Variants in SMCHD1 observed in about 807,000 individuals in gnomAD.
SMCHD1 encodes the protein structural maintenance of chromosomes flexible hinge domain-containing protein 1.
SMCHD1 carries 78 observed loss-of-function variants against 254.7 expected under a neutral mutation model. The ratio of observed to expected loss-of-function variants is 0.31; its 90% CI spans 0.26 to 0.37. The LOEUF is 0.37. SMCHD1 is among the 10% of genes least tolerant of loss of function. SMCHD1 has a pLI of 1.00. For missense variants in SMCHD1, 1,840 were observed against 2,408.1 expected, an observed-to-expected ratio of 0.76 and a Z score of 4.94; for synonymous variants, 766 against 794.9, an observed-to-expected ratio of 0.96 and a Z score of 0.61.
Position 2,694,649 on chromosome 18 carries a change from A to G in SMCHD1, c.996A>G (p.Ile332Met). The change falls in exon 8 of 48, where the codon ATA becomes ATG. Residue 332 changes from isoleucine to methionine, a missense_variant. Ile to Met is a conservative substitution (Grantham distance 10). Around this residue, in one of 9 missense-constraint regions of SMCHD1, gnomAD observed 498 missense variants for 743.5 expected, o/e 0.67. Transcript: ENST00000320876. ...VVITGVQPEH[I>M]QYLKNYFHLW... Reference sequence around the variant, plus strand: ...TCACAGGGGTACAACCAGAACACATACAGTACTTGAAAAATTATTTCCACC... The same window carrying G: ...TCACAGGGGTACAACCAGAACACATGCAGTACTTGAAAAATTATTTCCACC... 4 of 1,613,006 alleles carry G rather than the reference A, an allele frequency of 2.5e-6. No individual in the cohort carries two copies. The highest frequency in any genetic ancestry group is 3.4e-6 in the Non-Finnish European group (4 of 1,179,514).
intron 17 of SMCHD1, among the ~76,000 whole-genome samples, chr18:2,712,993 CTA>C (rs1381893653): frequency 2.0e-5 from 3 of 152,198 alleles, no homozygotes; most frequent in Admixed American, 6.5e-5. Context: ...TTTCCCAACT[CTA>C]GACCAAATTT....
At chr18:2,671,986 T>A (rs1165974188) in intron 3 of SMCHD1, among the ~76,000 whole-genome samples, 2 of 152,284 alleles carry the variant, frequency 1.3e-5, no homozygotes, top group East Asian at 3.9e-4. Context: ...TTTCCCCTCT[T>A]CTTTTTCATC....
chr18:2,788,141 G>C (rs2076267899), intron 45 of SMCHD1, among the ~76,000 whole-genome samples: 1 of 151,944 alleles, frequency 6.6e-6, no homozygotes. Flanking sequence ...TTTGAGGAAG[G>C]CCATCACCAT....
chr18:2,713,967 A>C (rs56097347), intron 17 of SMCHD1, among the ~76,000 whole-genome samples: 29,341 of 152,180 alleles, frequency 0.19, 3,099 homozygotes, highest in South Asian at 0.27. Context: ...TATACTCTGC[A>C]TATTGTTGGG....
intron 17 of SMCHD1, among the ~76,000 whole-genome samples, chr18:2,709,233 T>TGTGTATAG (rs1491142388): frequency 1.8e-5 from 1 of 54,194 alleles, no homozygotes; most frequent in Admixed American, 2.4e-4. Flanking sequence ...TGTATATGTG[T>TGTGTATAG]ATATATATAT....
intron 40 of SMCHD1, 26 bp downstream of exon 40, chr18:2,771,644 G>C: frequency 7.1e-7 from 1 of 1,416,152 alleles, no homozygotes; most frequent in Non-Finnish European, 9.4e-7. Flanking sequence ...ATACGTGAAA[G>C]ATTTTTTATT....
chr18:2,656,128 A>G lies in SMCHD1; in HGVS notation c.53A>G (p.Glu18Gly), dbSNP rs754962832. 4.7e-6 allele frequency: 7 copies of G among 1,485,440 alleles called. No homozygotes were observed. In the South Asian group the frequency reaches 8.1e-5, roughly 17 times the overall value. The allele number at this position is 1,485,440 out of a possible 1,614,324, so 92.0% of individuals were successfully genotyped here. The change falls in exon 1 of 48, where the codon GAG (glutamate) becomes GGG (glycine). Residue 18 changes from glutamate (E) to glycine (G), a missense_variant. By Grantham distance (98) the Glu-to-Gly change is moderately conservative (BLOSUM62 -2). This residue lies in a region of SMCHD1 where 115 missense variants were observed against 99.1 expected (regional missense o/e 1.16). Transcript: ENST00000320876. ...GGTGGGGCCTCTGTGGGGACTGAGG[A>G]GGATGGCGGAGGCGTCGGCCACAGG... ...GPGGASVGTEEDGGGVGHRTV... is the reference protein window; with the variant it reads ...GPGGASVGTEGDGGGVGHRTV...
chr18:2,799,490 T>C (rs1323024604), intron 47 of SMCHD1, among the ~76,000 whole-genome samples: 1 of 152,236 alleles, frequency 6.6e-6, no homozygotes, highest in African/African-American at 2.4e-5. Context: ...TTAGTTACTC[T>C]ATTGTTGCCT....
intron 8 of SMCHD1, 71 bp from the exon 9 acceptor site, chr18:2,696,959 ATT>A: frequency 1.4e-6 from 1 of 710,310 alleles, no homozygotes; most frequent in Non-Finnish European, 2.3e-6. Flanking sequence ...GTGTTAAAAT[ATT>A]TTGATAGAAG....
rs2076401256 is a variant in SMCHD1, at chr18:2,803,581, A to T, written c.*1029A>T. 1 of 152,208 alleles carries T rather than the reference A, an allele frequency of 6.6e-6. No homozygotes were observed. The highest frequency in any genetic ancestry group is 2.1e-4 in the South Asian group (1 of 4,834). The allele number at this position is 152,208 out of a possible 1,614,324, so 9.4% of individuals were successfully genotyped here. ...TAAACCCTTTCTAAATATGCAGGCCATTAATAAATAAGATTGTTTCTTCCC... is the reference window on the plus strand; with the variant it reads ...TAAACCCTTTCTAAATATGCAGGCCTTTAATAAATAAGATTGTTTCTTCCC... On this transcript the variant is annotated 3_prime_UTR_variant, in exon 48 of 48. Transcript: ENST00000320876.
At chr18:2,666,095 A>C in intron 1 of SMCHD1, 62 bp from the exon 2 acceptor site, 3 of 750,352 alleles carry the variant, frequency 4.0e-6, no homozygotes, top group Non-Finnish European at 4.4e-6. Flanking sequence ...TATTTTTATA[A>C]ATTTGAATAA....
intron 4 of SMCHD1, 86 bp downstream of exon 4, chr18:2,673,449 T>C: frequency 1.0e-6 from 1 of 967,990 alleles, no homozygotes; most frequent in South Asian, 2.4e-5. Flanking sequence ...AAAATAGAGA[T>C]AAAACTAAAA....
intron 32 of SMCHD1, 84 bp downstream of exon 32, chr18:2,750,591 GTGTGCTCAGTC>G: frequency 1.7e-6 from 2 of 1,181,734 alleles, no homozygotes; most frequent in Non-Finnish European, 2.4e-6. Context: ...CCTAGGTTAA[GTGTGCTCAGTC>G]TAATGTAGGA....
chr18:2,656,018 A>G lies in SMCHD1; in HGVS notation c.-58A>G. 2 of 1,235,310 alleles carry G rather than the reference A, an allele frequency of 1.6e-6. No individual in the cohort carries two copies. 76.5% of individuals were successfully genotyped at this position (1,235,310 alleles called of 1,614,324 possible). ...GCTGAAGGCGCCGCGCGGAGCGCGC[A>G]CCTCAGCCCTGAGCCCGGCGGCGGC... On this transcript the variant is annotated 5_prime_UTR_variant, in exon 1 of 48. Coordinates refer to ENST00000320876, the MANE Select transcript of SMCHD1 (RefSeq NM_015295.3).
chr18:2,716,532 G>A (rs759804890), intron 17 of SMCHD1, among the ~76,000 whole-genome samples: 4 of 152,204 alleles, frequency 2.6e-5, no homozygotes, highest in Non-Finnish European at 2.9e-5. Flanking sequence ...CCTGAGGCAG[G>A]TAGGGAGGGC....
chr18:2,680,916 C>T (rs1178802528), intron 5 of SMCHD1, among the ~76,000 whole-genome samples: 1 of 152,108 alleles, frequency 6.6e-6, no homozygotes, highest in African/African-American at 2.4e-5. Flanking sequence ...AGTGTTCACT[C>T]GTTTACTGAT....
intron 35 of SMCHD1, among the ~76,000 whole-genome samples, chr18:2,761,003 A>G (rs1287263415): frequency 1.3e-5 from 2 of 152,206 alleles, no homozygotes; most frequent in African/African-American, 4.8e-5. Flanking sequence ...TCAAAGACTC[A>G]GCATTTTAGT....
At chr18:2,751,240 A>C in intron 32 of SMCHD1, 38 bp from the exon 33 acceptor site, 1 of 1,158,548 alleles carries the variant, frequency 8.6e-7, no homozygotes, top group Non-Finnish European at 1.3e-6. Context: ...CATTAATTGA[A>C]CTAGAAAGAG....
rs2076254082 is a variant in SMCHD1 at position 2,795,874 on chromosome 18, G to T, written c.5720-75G>T. ...TTACCATAACACAAATTCCAGTGTT[G>T]CTCATTTTTTCCCCTAAAACATGAG... On this transcript the variant is annotated intron_variant, in intron 45 of 47. Transcript: ENST00000320876. 2.3e-6 allele frequency: 3 copies of T among 1,280,576 alleles called. No individual in the cohort carries two copies. In the Admixed American group the frequency reaches 7.7e-5, roughly 33 times the overall value. The allele number at this position is 1,280,576 out of a possible 1,614,324, so 79.3% of individuals were successfully genotyped here.
Sources: allele counts gnomAD v4.1 joint callset (sites outside exome capture counted in the v4.1 genomes callset), GRCh38; gene constraint gnomAD v4.1.1; regional missense constraint gnomAD v4.1.1; transcripts MANE v1.5; gene names NCBI Gene and HGNC (gene_info 2026-07-23, HGNC 2026-07-21).